The following PTGDS variants were observed in gnomAD, a reference collection of about 807,000 sequenced individuals.
PTGDS encodes prostaglandin-H2 D-isomerase.
In PTGDS, 21 loss-of-function variants were observed where a neutral mutation model predicts 28.4. The ratio of observed to expected loss-of-function variants is 0.74; its 90% CI spans 0.52 to 1.07. The LOEUF (loss-of-function observed/expected upper bound fraction) is 1.07. Among genes scored for constraint, PTGDS ranks in the 50% least tolerant of loss-of-function variants. The pLI, the probability that PTGDS is intolerant of heterozygous loss-of-function variation, is 0.00. For synonymous variants in PTGDS, 102 were observed against 106.0 expected (o/e 0.96, Z 0.23); for missense variants, 243 against 247.7 (o/e 0.98, Z 0.13).
chr9:136,979,231 A>G lies in PTGDS; in HGVS notation c.263A>G (p.Gln88Arg), dbSNP rs376269537. Residue 88 changes from glutamine to arginine, a missense_variant, in exon 3 of 7, where the codon CAG (glutamine) becomes CGG (arginine). Physicochemically the swap from Gln to Arg is conservative, Grantham distance 43. Transcript: ENST00000371625. ...AGGTCACCCACCTACAGGAAAAACCAGTGTGAGACCCGAACCATGCTGCTG... is the reference window on the plus strand; with the variant it reads ...AGGTCACCCACCTACAGGAAAAACCGGTGTGAGACCCGAACCATGCTGCTG... The part of the protein sequence containing the change: ...NLTSTFLRKN[Q>R]CETRTMLLQP... The G allele has an allele frequency of 6.2e-7, 1 of 1,613,060 alleles. No homozygotes were observed.
At chr9:136,980,913 C>T in intron 6 of PTGDS, 58 bp downstream of exon 6, 1 of 1,289,696 alleles carries the variant, frequency 7.8e-7, no homozygotes, top group Non-Finnish European at 1.1e-6. Context: ...CAACACACAT[C>T]CACCCAACCC....
intron 1 of PTGDS, 54 bp from the exon 2 acceptor site, chr9:136,978,939 C>T (rs749879940): frequency 8.8e-6 from 14 of 1,589,748 alleles, no homozygotes; most frequent in African/African-American, 6.7e-5. Context: ...CGCAGGTAGG[C>T]GCAGGTGGGT....
At chr9:136,978,971 G>A (rs1434617572) in intron 1 of PTGDS, 22 bp from the exon 2 acceptor site, 2 of 1,602,356 alleles carry the variant, frequency 1.2e-6, no homozygotes, top group East Asian at 2.2e-5. Context: ...TGGCCGACGC[G>A]GGTGGGGGTC....
At chr9:136,978,804 G>C (rs1830412211) in intron 1 of PTGDS, 189 bp from the exon 2 acceptor site, 2 of 756,478 alleles carry the variant, frequency 2.6e-6, no homozygotes, top group Admixed American at 2.3e-5. Context: ...TCATCTCCTG[G>C]GGCGGGGATT....
chr9:136,979,022 C>T lies in PTGDS; in HGVS notation c.144C>T (p.Leu48=), dbSNP rs1588486885. ...KFLGRWFSAG[L]ASNSSWLREK... is the part of the protein sequence containing the mutation. ...TGGGGCGCTGGTTCAGCGCGGGCCT[C>T]GCCTCCAACTCGAGCTGGCTCCGGG... is the stretch of plus-strand genomic sequence containing the variant. Residue 48 remains leucine (L), a synonymous_variant, in exon 2 of 7, where the codon CTC becomes CTT. Coordinates refer to ENST00000371625, the MANE Select transcript of PTGDS (RefSeq NM_000954.6). 1.2e-6 allele frequency: 2 copies of T among 1,608,792 alleles called. No homozygotes were observed. Among genetic ancestry groups the T allele is most frequent in the Admixed American group, 1.7e-5 (1 of 59,682 alleles).
At chr9:136,981,414 C>T (rs1429957574) in intron 6 of PTGDS, among the ~76,000 whole-genome samples, 165 bp from the exon 7 acceptor site, 4 of 152,018 alleles carry the variant, frequency 2.6e-5, no homozygotes, top group South Asian at 2.1e-4. Flanking sequence ...CCTGGGGCAG[C>T]GGGGATCCAA....
At position 136,979,108 on chromosome 9, in the gene PTGDS, T is replaced by A. The variant is rs1830417439; in HGVS notation, c.230T>A (p.Leu77His). The change falls in exon 2 of 7, where the codon CTC (leucine) becomes CAC (histidine). Residue 77 changes from leucine to histidine, a missense_variant. Transcript: ENST00000371625. The part of the protein sequence containing the change: ...SVVAPATDGG[L>H]NLTSTFLRKN... ...GTGGCCCCTGCCACGGATGGTGGCCTCAACCTGACCTCCACCTTCCTCAGG... is the reference window on the plus strand; with the variant it reads ...GTGGCCCCTGCCACGGATGGTGGCCACAACCTGACCTCCACCTTCCTCAGG... 6.2e-7 allele frequency: 1 copy of A among 1,612,386 alleles called. No homozygotes were observed. Among genetic ancestry groups the A allele is most frequent in the Non-Finnish European group, 8.5e-7 (1 of 1,179,548 alleles).
intron 6 of PTGDS, 108 bp downstream of exon 6, chr9:136,980,963 G>A: frequency 7.0e-7 from 1 of 1,435,510 alleles, no homozygotes; most frequent in Non-Finnish European, 9.3e-7. Context: ...GGACAGCCTG[G>A]TGCTGCAGAC....
chr9:136,979,859 C>A, intron 3 of PTGDS, 87 bp from the exon 4 acceptor site: 1 of 1,310,148 alleles, frequency 7.6e-7, no homozygotes, highest in Non-Finnish European at 1.1e-6. Context: ...TGAGTGCCCC[C>A]AAAGCCCACA....
At chr9:136,979,791 G>A (rs1588487320) in intron 3 of PTGDS, 155 bp from the exon 4 acceptor site, 2 of 766,046 alleles carry the variant, frequency 2.6e-6, no homozygotes, top group South Asian at 1.5e-5. Flanking sequence ...GCAGGCGAGA[G>A]CAGGGCACTG....
intron 1 of PTGDS, 54 bp from the exon 2 acceptor site, chr9:136,978,939 C>A: frequency 6.3e-7 from 1 of 1,589,858 alleles, no homozygotes; most frequent in Non-Finnish European, 8.5e-7. Flanking sequence ...CGCAGGTAGG[C>A]GCAGGTGGGT....
chr9:136,977,834 G>C (rs1173287028), intron 1 of PTGDS, 142 bp downstream of exon 1: 1 of 749,276 alleles, frequency 1.3e-6, no homozygotes, highest in Non-Finnish European at 2.1e-6. Context: ...GAGCGGGCGC[G>C]CAGGAAGGAG....
At chr9:136,981,285 C>T (rs986646517) in intron 6 of PTGDS, among the ~76,000 whole-genome samples, 10 of 152,110 alleles carry the variant, frequency 6.6e-5, no homozygotes, top group Non-Finnish European at 1.5e-4. Context: ...TACATGGATG[C>T]CGTGGGACAG....
intron 6 of PTGDS, among the ~76,000 whole-genome samples, 197 bp from the exon 7 acceptor site, chr9:136,981,381 TG>T (rs1830446671): frequency 6.6e-6 from 1 of 151,868 alleles, no homozygotes; most frequent in Non-Finnish European, 1.5e-5. Context: ...ACCCTGGGGC[TG>T]GGAAGGGTGG....
chr9:136,978,982 G>A lies in PTGDS; in HGVS notation c.115-11G>A, dbSNP rs763320214. ...GTCCTGGCCGACGCGGGTGGGGGTC[G>A]CTCGCCGCAGTTCCTGGGGCGCTGG... is the stretch of plus-strand genomic sequence containing the variant. On this transcript the variant is annotated splice_polypyrimidine_tract_variant and intron_variant, in intron 1 of 6. Transcript: ENST00000371625. The A allele has an allele frequency of 2.5e-6, 4 of 1,604,036 alleles. No individual in the cohort carries two copies. Among genetic ancestry groups the A allele is most frequent in the Admixed American group, 3.4e-5 (2 of 59,650 alleles).
chr9:136,979,553 T>C, intron 3 of PTGDS: 1 of 1,178,888 alleles, frequency 8.5e-7, no homozygotes, highest in Non-Finnish European at 1.2e-6. Flanking sequence ...CCCTGCCCTC[T>C]GGAGTTTTCC....
intron 1 of PTGDS, among the ~76,000 whole-genome samples, chr9:136,977,955 C>A (rs1284598674): frequency 4.6e-5 from 7 of 152,204 alleles, no homozygotes; most frequent in African/African-American, 1.4e-4. Flanking sequence ...CCCACGCCAG[C>A]CAGACACGTC....
At chr9:136,978,751 A>T in intron 1 of PTGDS, 5 of 215,466 alleles carry the variant, frequency 2.3e-5, no homozygotes, top group South Asian at 1.7e-4. Flanking sequence ...CGGGGATGTG[A>T]GGGGCGTGGT....
Position 136,980,283 on chromosome 9 carries a change from C to T in PTGDS, c.549C>T (p.Thr183=), listed in dbSNP as rs778932071. The T allele has an allele frequency of 2.2e-5, 36 of 1,613,672 alleles. No individual in the cohort carries two copies. The highest frequency in any genetic ancestry group is 1.6e-4 in the Middle Eastern group (1 of 6,084). ...TEDTIVFLPQ[T]DKCMTEQ ...ATACCATTGTCTTCCTGCCCCAAAC[C>T]GGTGAGGGGTCCTAATCTGATGGGG... Residue 183 remains threonine (T), a splice_region_variant and synonymous_variant, in exon 5 of 7, where the codon ACC becomes ACT. Coordinates refer to ENST00000371625, the MANE Select transcript of PTGDS (RefSeq NM_000954.6).
Sources: gnomAD v4.1 joint callset for allele counts (sites outside exome capture counted in the v4.1 genomes callset) on GRCh38, gnomAD v4.1.1 for gene constraint, MANE v1.5 for transcripts, NCBI Gene and HGNC (gene_info 2026-07-23, HGNC 2026-07-21) for gene names.